Variants in REC114 observed in about 807,000 individuals in gnomAD.
The protein encoded by REC114 is meiotic recombination protein REC114.
REC114 carries 27 observed loss-of-function variants against 31.3 expected under a neutral mutation model. That is an observed-to-expected ratio of 0.86 (90% confidence interval 0.64 to 1.19). The LOEUF (loss-of-function observed/expected upper bound fraction) is 1.19. Ranked by LOEUF, REC114 falls within the 50% of genes most tolerant of loss-of-function variation. REC114 has a pLI of 0.00. For missense variants in REC114, 344 were observed against 326.9 expected, an observed-to-expected ratio of 1.05 and a Z score of -0.40; for synonymous variants, 134 against 127.7, an observed-to-expected ratio of 1.05 and a Z score of -0.33.
At chr15:73,516,981 C>T (rs1218114150) in intron 2 of REC114, among the ~76,000 whole-genome samples, 3 of 152,240 alleles carry the variant, frequency 2.0e-5, no homozygotes, top group Middle Eastern at 3.4e-3. Flanking sequence ...AACACTCCAT[C>T]GATTTCATTC....
At chr15:73,525,274 T>C (rs1893990170) in intron 2 of REC114, among the ~76,000 whole-genome samples, 1 of 152,232 alleles carries the variant, frequency 6.6e-6, no homozygotes, top group Non-Finnish European at 1.5e-5. Flanking sequence ...TCTCACTTTT[T>C]ATTCTTGATC....
chr15:73,517,420 T>C (rs1216273791), intron 2 of REC114, among the ~76,000 whole-genome samples: 2 of 152,252 alleles, frequency 1.3e-5, no homozygotes, highest in East Asian at 3.9e-4. Context: ...GCTGTTTTAG[T>C]AAATAAAGAA....
intron 2 of REC114, among the ~76,000 whole-genome samples, chr15:73,539,107 T>C (rs1894203641): frequency 6.6e-6 from 1 of 152,062 alleles, no homozygotes; most frequent in African/African-American, 2.4e-5. Flanking sequence ...AGTTTCCTCA[T>C]ACATTGCCAC....
At chr15:73,540,904 G>A (rs1894229658) in intron 3 of REC114, among the ~76,000 whole-genome samples, 1 of 152,194 alleles carries the variant, frequency 6.6e-6, no homozygotes, top group Non-Finnish European at 1.5e-5. Context: ...ACCTTCAAAT[G>A]ATTCAGTGAA....
Position 73,552,494 on chromosome 15 carries a change from CGT to C in REC114, c.546+1347_546+1348del, listed in dbSNP as rs576087176. On this transcript the variant is annotated intron_variant, in intron 4 of 5. Coordinates refer to ENST00000331090, the MANE Select transcript of REC114 (RefSeq NM_001042367.2). ...ATTTTTAATGAACATTTTTAAATTC[CGT>C]GTTAGTTTCTAATATGATAAATACC... Among the ~76,000 whole-genome samples the C allele has an allele frequency of 1.3e-3, 201 of 152,190 alleles. 2 individuals carry two copies. The highest frequency in any genetic ancestry group is 4.5e-3 in the African/African-American group (187 of 41,524).
chr15:73,460,357 C>T (rs61141091), intron 1 of REC114, among the ~76,000 whole-genome samples: 1 of 152,112 alleles, frequency 6.6e-6, no homozygotes, highest in Non-Finnish European at 1.5e-5. Context: ...TCTTTATCCA[C>T]TATGTGCCAG....
At chr15:73,509,394 C>T (rs1001380465) in intron 2 of REC114, among the ~76,000 whole-genome samples, 1 of 150,488 alleles carries the variant, frequency 6.6e-6, no homozygotes, top group African/African-American at 2.5e-5. Context: ...TGTAGGTTGC[C>T]TGTTCACTCT....
rs116530982 is a variant in REC114 at position 73,527,809 on chromosome 15, T to C, written c.250-12676T>C. Reference sequence around the variant, plus strand: ...AAAACTAGATGACTAGGCATTCCTGTGACCTTCCAAATATGAGTGGATGGA... The same window carrying C: ...AAAACTAGATGACTAGGCATTCCTGCGACCTTCCAAATATGAGTGGATGGA... On this transcript the variant is annotated intron_variant, in intron 2 of 5. Coordinates refer to ENST00000331090, the MANE Select transcript of REC114 (RefSeq NM_001042367.2). Among the ~76,000 whole-genome samples the C allele has an allele frequency of 9.3e-4, 142 of 152,312 alleles. 1 individual carries two copies. Among genetic ancestry groups the C allele is most frequent in the African/African-American group, 3.4e-3 (141 of 41,560 alleles).
Position 73,473,933 on chromosome 15 carries a change from G to A in REC114, c.249+12G>A. ...GACAGACACTACTGGTAGGTTTTAT[G>A]CATAACAGTTTAATATGGAAATACA... is the stretch of plus-strand genomic sequence containing the variant. On this transcript the variant is annotated intron_variant, in intron 2 of 5. Coordinates refer to ENST00000331090, the MANE Select transcript of REC114 (RefSeq NM_001042367.2). The A allele has an allele frequency of 6.8e-7, 1 of 1,481,182 alleles. No homozygotes were observed. The highest frequency in any genetic ancestry group is 9.3e-7 in the Non-Finnish European group (1 of 1,075,772). The allele number at this position is 1,481,182 out of a possible 1,614,324, so 91.8% of individuals were successfully genotyped here. A position where few individuals can be genotyped will look rare whatever the true frequency, so the allele number is the denominator to read the frequency against.
intron 1 of REC114, among the ~76,000 whole-genome samples, chr15:73,455,849 C>T (rs926395609): frequency 6.6e-6 from 1 of 152,122 alleles, no homozygotes; most frequent in Non-Finnish European, 1.5e-5. Flanking sequence ...AATTCTGACT[C>T]AGTCAGAATA....
At chr15:73,531,547 C>G (rs1894082466) in intron 2 of REC114, among the ~76,000 whole-genome samples, 1 of 152,192 alleles carries the variant, frequency 6.6e-6, no homozygotes, top group Non-Finnish European at 1.5e-5. Flanking sequence ...GCCACTGCCC[C>G]TCAGGCTGTG....
At chr15:73,476,850 C>T (rs895585473) in intron 2 of REC114, among the ~76,000 whole-genome samples, 12 of 152,264 alleles carry the variant, frequency 7.9e-5, no homozygotes, top group East Asian at 3.9e-4. Flanking sequence ...TATTTGTATA[C>T]GAGCCTTTGG....
chr15:73,465,365 G>A (rs1412301111), intron 1 of REC114, among the ~76,000 whole-genome samples: 3 of 152,102 alleles, frequency 2.0e-5, no homozygotes, highest in Admixed American at 6.5e-5. Context: ...TTTTGGATGA[G>A]GGATTGCAAC....
chr15:73,548,602 G>C (rs954228713), intron 3 of REC114, among the ~76,000 whole-genome samples: 1 of 152,170 alleles, frequency 6.6e-6, no homozygotes, highest in African/African-American at 2.4e-5. Flanking sequence ...GTTGGTGGGA[G>C]TGTAAATTAG....
chr15:73,444,971 A>C (rs1416130413), intron 1 of REC114, among the ~76,000 whole-genome samples: 1 of 152,222 alleles, frequency 6.6e-6, no homozygotes, highest in Non-Finnish European at 1.5e-5. Context: ...AATGAACAAT[A>C]ATATTTTGAC....
chr15:73,502,170 T>A (rs1018729890), intron 2 of REC114, among the ~76,000 whole-genome samples: 7 of 136,502 alleles, frequency 5.1e-5, no homozygotes, highest in South Asian at 4.8e-4. Context: ...AAAAAAAAAA[T>A]GACAGAATGC....
intron 2 of REC114, among the ~76,000 whole-genome samples, chr15:73,476,122 A>G (rs1893210475): frequency 1.3e-5 from 2 of 152,200 alleles, no homozygotes; most frequent in Non-Finnish European, 2.9e-5. Context: ...ACACAATGAC[A>G]AGATCACCTA....
chr15:73,459,612 A>T (rs1052430671), intron 1 of REC114, among the ~76,000 whole-genome samples: 7 of 152,222 alleles, frequency 4.6e-5, no homozygotes, highest in African/African-American at 4.8e-5. Context: ...ATAAAGTAGT[A>T]GTCATTAGTG....
chr15:73,559,809 G>C lies in REC114; in HGVS notation c.694G>C (p.Glu232Gln), dbSNP rs772234944. ...CTATGAACAATCTGCATGGGGTGCA[G>C]AAGAGTTAGGCCCCTTCCTACGTTT... is the stretch of plus-strand genomic sequence containing the variant. ...HVYEQSAWGA[E>Q]ELGPFLRLCL... The change falls in exon 6 of 6, where the codon GAA becomes CAA. Residue 232 changes from glutamate to glutamine, a missense_variant. Transcript: ENST00000331090. 3.8e-5 allele frequency: 61 copies of C among 1,612,626 alleles called. No individual in the cohort carries two copies. The highest frequency in any genetic ancestry group is 5.1e-5 in the Non-Finnish European group (60 of 1,179,420).
Sources: allele counts gnomAD v4.1 joint callset (sites outside exome capture counted in the v4.1 genomes callset), GRCh38; gene constraint gnomAD v4.1.1; transcripts MANE v1.5; gene names NCBI Gene and HGNC (gene_info 2026-07-23, HGNC 2026-07-21).